ACAP2: variants seen among roughly 807,000 people sequenced by gnomAD.
ACAP2 encodes arf-GAP with coiled-coil, ANK repeat and PH domain-containing protein 2.
A neutral mutation model predicts 115.8 loss-of-function variants in ACAP2; 39 were observed. The ratio of observed to expected loss-of-function variants is 0.34; its 90% confidence interval spans 0.26 to 0.44. The LOEUF is 0.44. ACAP2 is among the 20% of genes least tolerant of loss of function. The probability of loss-of-function intolerance (pLI) is 1.00; values close to 1 mark genes in which losing one functional copy is unlikely to be tolerated. For missense variants in ACAP2, 662 were observed against 927.6 expected, an observed-to-expected ratio of 0.71 and a Z score of 3.72; for synonymous variants, 289 against 315.8, an observed-to-expected ratio of 0.92 and a Z score of 0.90.
intron 7 of ACAP2, among the ~76,000 whole-genome samples, chr3:195,334,585 G>A (rs1730381864): frequency 1.3e-5 from 2 of 152,028 alleles, no homozygotes; most frequent in Non-Finnish European, 2.9e-5. Flanking sequence ...AGGTACATAA[G>A]TGGCCAAAAA....
At chr3:195,341,821 A>AC (rs1315767901) in intron 6 of ACAP2, among the ~76,000 whole-genome samples, 1 of 152,200 alleles carries the variant, frequency 6.6e-6, no homozygotes. Flanking sequence ...AAACTTGAAC[A>AC]CCACAAATGT....
chr3:195,426,940 C>T (rs369618356), intron 1 of ACAP2, among the ~76,000 whole-genome samples: 4 of 151,806 alleles, frequency 2.6e-5, no homozygotes, highest in Non-Finnish European at 5.9e-5. Flanking sequence ...CCGCCACCCG[C>T]CCCCACCAAG....
At chr3:195,390,256 G>A (rs965728687) in intron 2 of ACAP2, among the ~76,000 whole-genome samples, 6 of 152,008 alleles carry the variant, frequency 3.9e-5, no homozygotes, top group Non-Finnish European at 7.4e-5. Context: ...GTGATTTGAA[G>A]CAAGTCCTCA....
At chr3:195,289,554 AC>A (rs1249960193) in intron 20 of ACAP2, among the ~76,000 whole-genome samples, 1 of 152,000 alleles carries the variant, frequency 6.6e-6, no homozygotes, top group African/African-American at 2.4e-5. Flanking sequence ...TAATCCCAGC[AC>A]TTTGGGAGGC....
chr3:195,336,280 G>A (rs1730505459), intron 7 of ACAP2: 1 of 150,746 alleles, frequency 6.6e-6, no homozygotes, highest in Non-Finnish European at 1.5e-5. Context: ...TGGGTGAAGA[G>A]GCTCAAGGAA....
intron 1 of ACAP2, among the ~76,000 whole-genome samples, chr3:195,406,907 A>C (rs552325889): frequency 2.5e-4 from 38 of 152,296 alleles, no homozygotes; most frequent in African/African-American, 7.7e-4. Context: ...AGAAATGTAA[A>C]CTACTAAAAT....
chr3:195,334,286 C>T (rs1730364363), intron 7 of ACAP2, among the ~76,000 whole-genome samples: 1 of 149,264 alleles, frequency 6.7e-6, no homozygotes, highest in Non-Finnish European at 1.5e-5. Context: ...GAAAATTATT[C>T]TGGAATTAGA....
intron 22 of ACAP2, 80 bp downstream of exon 22, chr3:195,285,716 A>G: frequency 8.5e-7 from 1 of 1,178,484 alleles, no homozygotes; most frequent in Non-Finnish European, 1.2e-6. Context: ...AGAACTATGA[A>G]TCTTCCAGTT....
chr3:195,319,804 A>G (rs1276327615), intron 10 of ACAP2, among the ~76,000 whole-genome samples: 1 of 152,158 alleles, frequency 6.6e-6, no homozygotes. Flanking sequence ...CTGGAATGAG[A>G]TAAGACTTTG....
At chr3:195,423,104 T>C (rs569690951) in intron 1 of ACAP2, among the ~76,000 whole-genome samples, 13 of 152,204 alleles carry the variant, frequency 8.5e-5, no homozygotes, top group African/African-American at 2.9e-4. Context: ...TGTGGTTATG[T>C]AGGAGAATGT....
At chr3:195,310,886 T>C (rs1167595040) in intron 10 of ACAP2, among the ~76,000 whole-genome samples, 1 of 152,100 alleles carries the variant, frequency 6.6e-6, no homozygotes, top group African/African-American at 2.4e-5. Flanking sequence ...AAAAACGTCA[T>C]ATATCCTAGG....
chr3:195,412,923 G>A, intron 1 of ACAP2: 1 of 456,302 alleles, frequency 2.2e-6, no homozygotes. Flanking sequence ...GCATCTAAGT[G>A]AAGGAAACAC....
intron 2 of ACAP2, among the ~76,000 whole-genome samples, chr3:195,384,717 G>T (rs1182507619): frequency 1.7e-5 from 2 of 118,532 alleles, no homozygotes; most frequent in Non-Finnish European, 3.3e-5. Flanking sequence ...ACAGAGCGAG[G>T]CTGTCTCAAA....
chr3:195,405,317 T>C (rs1366574466), intron 1 of ACAP2, among the ~76,000 whole-genome samples: 1 of 152,214 alleles, frequency 6.6e-6, no homozygotes, highest in Non-Finnish European at 1.5e-5. Flanking sequence ...GGAACACATA[T>C]ACAAGCCCAA....
At chr3:195,403,276 A>G (rs1188203459) in intron 1 of ACAP2, among the ~76,000 whole-genome samples, 1 of 152,254 alleles carries the variant, frequency 6.6e-6, no homozygotes, top group African/African-American at 2.4e-5. Flanking sequence ...GGAAGAAGTC[A>G]GAATACTAAT....
chr3:195,344,226 A>C (rs150281193), intron 5 of ACAP2, among the ~76,000 whole-genome samples: 3 of 152,246 alleles, frequency 2.0e-5, no homozygotes, highest in African/African-American at 7.2e-5. Context: ...TCTATATTTA[A>C]AAAAGAAAAA....
intron 1 of ACAP2, among the ~76,000 whole-genome samples, chr3:195,411,507 G>A (rs999432891): frequency 3.3e-5 from 5 of 152,064 alleles, no homozygotes; most frequent in South Asian, 2.1e-4. Flanking sequence ...TGGTCAAGAC[G>A]ATAAGTTTTA....
chr3:195,290,169 C>T (rs1266220854), intron 20 of ACAP2, among the ~76,000 whole-genome samples: 1 of 152,024 alleles, frequency 6.6e-6, no homozygotes, highest in African/African-American at 2.4e-5. Context: ...GTCAGAAGTT[C>T]AAGACCAGCC....
At chr3:195,409,437 A>T (rs984057311) in intron 1 of ACAP2, among the ~76,000 whole-genome samples, 3 of 152,220 alleles carry the variant, frequency 2.0e-5, no homozygotes, top group Admixed American at 2.0e-4. Flanking sequence ...GGGGAAAAAA[A>T]AAAGTACAAA....
Sources: gnomAD v4.1 joint callset for allele counts (sites outside exome capture counted in the v4.1 genomes callset) on GRCh38, gnomAD v4.1.1 for gene constraint, MANE v1.5 for transcripts, NCBI Gene and HGNC (gene_info 2026-07-23, HGNC 2026-07-21) for gene names.